The following GOLGA2 variants were observed in gnomAD, a reference collection of about 807,000 sequenced individuals.
GOLGA2 encodes golgin subfamily A member 2.
A neutral mutation model predicts 148.8 loss-of-function variants in GOLGA2; 49 were observed. That is an observed-to-expected ratio of 0.33 (90% CI 0.26 to 0.42). The LOEUF (loss-of-function observed/expected upper bound fraction) is 0.42. Ranked by LOEUF, GOLGA2 falls within the 10% of genes least tolerant of loss-of-function variation. The probability of loss-of-function intolerance (pLI) is 1.00; values close to 1 mark genes in which losing one functional copy is unlikely to be tolerated. For synonymous variants in GOLGA2, 501 were observed against 511.8 expected (o/e 0.98, Z 0.28); for missense variants, 1,178 against 1,304.6 (o/e 0.90, Z 1.49).
Position 128,272,852 on chromosome 9 carries a change from A to T in GOLGA2, c.221T>A (p.Leu74Gln). The change falls in exon 3 of 27, where the codon CTG becomes CAG. Residue 74 changes from leucine (L) to glutamine (Q), a missense_variant. Transcript: ENST00000611957. Reference protein sequence around the residue: ...CHSPEDIQDILKVLVSDLNRS... With the variant: ...CHSPEDIQDIQKVLVSDLNRS... ...GTTAAGGTCGGACACCAGCACCTTC[A>T]GAATGTCCTGAATCTACAGGAGGCG... is the stretch of plus-strand genomic sequence containing the variant. The T allele has an allele frequency of 2.3e-6, 3 of 1,276,698 alleles. No homozygotes were observed. Among genetic ancestry groups the T allele is most frequent in the Non-Finnish European group, 3.1e-6 (3 of 978,896 alleles). 79.1% of individuals were successfully genotyped at this position (1,276,698 alleles called of 1,614,324 possible).
chr9:128,260,411 C>T lies in GOLGA2; in HGVS notation c.1758+54G>A, dbSNP rs1019443812. On this transcript the variant is annotated intron_variant, in intron 18 of 26. Transcript: ENST00000611957. The surrounding 1 kb of genome is among the most constrained non-coding windows in gnomAD (Gnocchi z 4.8). ...CTGCCCCACTTTACAGGTGGGAAAA[C>T]AAAGGTCTGGAGGGCTAGGGAGGAG... 5.5e-6 allele frequency: 8 copies of T among 1,456,346 alleles called. No homozygotes were observed. In the African/African-American group the frequency reaches 8.3e-5, roughly 15 times the overall value. 90.2% of individuals were successfully genotyped at this position (1,456,346 alleles called of 1,614,324 possible). A position where few individuals can be genotyped will look rare whatever the true frequency, so the allele number is the denominator to read the frequency against.
In GOLGA2 at chr9:128,271,497, G is replaced by A. The variant is rs898757936; in HGVS notation, c.288+1288C>T. On this transcript the variant is annotated intron_variant, in intron 3 of 26. Transcript: ENST00000611957. The surrounding 1 kb of genome is among the most constrained non-coding windows in gnomAD (Gnocchi z 4.4). ...TGCCAAATCACAGCCAGAGGAGGTT[G>A]TCTCCCAGCCCTGTGTACCTCCATG... is the stretch of plus-strand genomic sequence containing the variant. 2.0e-5 allele frequency among the ~76,000 whole-genome samples: 3 copies of A among 152,166 alleles called. No individual in the cohort carries two copies. The highest frequency in any genetic ancestry group is 7.2e-5 in the African/African-American group (3 of 41,432).
Position 128,263,026 on chromosome 9 carries a change from CA to C in GOLGA2, c.992+7del. On this transcript the variant is annotated splice_region_variant and intron_variant, in intron 13 of 26. Transcript: ENST00000611957. The stretch of plus-strand genomic sequence containing the variant: ...CCAGACCTCCCATCCCACCATCCCC[CA>C]TCCTACGTGTTCTTGTATAACTCCA... 6.3e-7 allele frequency: 1 copy of C among 1,596,134 alleles called. No individual in the cohort carries two copies. The highest frequency in any genetic ancestry group is 8.6e-7 in the Non-Finnish European group (1 of 1,163,696).
chr9:128,260,386 C>G lies in GOLGA2; in HGVS notation c.1758+79G>C, dbSNP rs1003526431. 7.3e-6 allele frequency: 9 copies of G among 1,236,156 alleles called. No individual in the cohort carries two copies. Among genetic ancestry groups the G allele is most frequent in the Non-Finnish European group, 1.1e-5 (9 of 854,300 alleles). The allele number at this position is 1,236,156 out of a possible 1,614,324, so 76.6% of individuals were successfully genotyped here. On this transcript the variant is annotated intron_variant, in intron 18 of 26. Coordinates refer to ENST00000611957, the MANE Select transcript of GOLGA2 (RefSeq NM_001366244.2). The surrounding 1 kb of genome is among the most constrained non-coding windows in gnomAD (Gnocchi z 4.8). ...AGTACCATTTCAAGTGAGGGCTACA[C>G]TGCCCCACTTTACAGGTGGGAAAAC...
chr9:128,275,516 C>CG (rs1831271886), intron 1 of GOLGA2: 2 of 1,300,964 alleles, frequency 1.5e-6, no homozygotes, highest in Non-Finnish European at 2.0e-6. Flanking sequence ...GAGTCTGGAG[C>CG]GGGGGGCCCC....
At chr9:128,267,062 G>A in intron 8 of GOLGA2, 132 bp downstream of exon 8, 2 of 736,066 alleles carry the variant, frequency 2.7e-6, no homozygotes, top group Non-Finnish European at 5.0e-6. Context: ...CCCTCCAGCT[G>A]AGGCCTGGGC....
Position 128,257,749 on chromosome 9 carries a change from G to A in GOLGA2, c.2611+41C>T, listed in dbSNP as rs758642580. The A allele has an allele frequency of 3.3e-5, 53 of 1,607,158 alleles. No individual in the cohort carries two copies. The Admixed American group carries it at 4.7e-4, about 14-fold the overall frequency. ...CTCAGATGCTGGGTTCCCTCCGACC[G>A]CTGTGCAGCTCCTCCTGCCGTGCCC... On this transcript the variant is annotated intron_variant, in intron 24 of 26. Transcript: ENST00000611957. The surrounding 1 kb of genome is among the most constrained non-coding windows in gnomAD (Gnocchi z 8.0).
rs541337975 is a variant in GOLGA2 at position 128,265,486 on chromosome 9, T to C, written c.933+99A>G. ...CAGTGATAAATGGCCCATGCTGCCT[T>C]CTAGGCAGGACAGTCAACCCTGCAG... On this transcript the variant is annotated intron_variant, in intron 12 of 26. Coordinates refer to ENST00000611957, the MANE Select transcript of GOLGA2 (RefSeq NM_001366244.2). The C allele has an allele frequency of 1.0e-4, 97 of 929,930 alleles. No homozygotes were observed. The African/African-American group carries it at 1.5e-3, about 15-fold the overall frequency. The allele number at this position is 929,930 out of a possible 1,614,324, so 57.6% of individuals were successfully genotyped here.
At position 128,261,982 on chromosome 9, in the gene GOLGA2, T is replaced by C. The variant is rs965680602; in HGVS notation, c.1135-225A>G. 8 of 524,268 alleles carry C rather than the reference T, an allele frequency of 1.5e-5. No homozygotes were observed. The highest frequency in any genetic ancestry group is 6.6e-5 in the Admixed American group (2 of 30,118). The allele number at this position is 524,268 out of a possible 1,614,324, so 32.5% of individuals were successfully genotyped here. The stretch of plus-strand genomic sequence containing the variant: ...ACTTTGGGAGGCTGAGGTGGGTGGA[T>C]TGCTTGAGCTCAGGAGTTCAAGACC... On this transcript the variant is annotated intron_variant, in intron 14 of 26. Transcript: ENST00000611957. This position sits in a 1 kb window ranked among gnomAD's most constrained non-coding sequence, Gnocchi z 5.7.
In GOLGA2 at chr9:128,264,266, C is replaced by T. The variant is rs1830461578; in HGVS notation, c.934-1174G>A. On this transcript the variant is annotated intron_variant, in intron 12 of 26. Coordinates refer to ENST00000611957, the MANE Select transcript of GOLGA2 (RefSeq NM_001366244.2). Reference sequence around the variant, plus strand: ...ATGTATTTATTTGAGATGGAGTCTCCATCTGTCACCCAGGCTGGAGTGCAG... The same window carrying T: ...ATGTATTTATTTGAGATGGAGTCTCTATCTGTCACCCAGGCTGGAGTGCAG... Among the ~76,000 whole-genome samples, 4 of 149,934 alleles carry T rather than the reference C, an allele frequency of 2.7e-5. No individual in the cohort carries two copies. The South Asian group carries it at 6.3e-4, about 24-fold the overall frequency.
chr9:128,275,576 G>C (rs1343172977), intron 1 of GOLGA2: 1 of 1,097,206 alleles, frequency 9.1e-7, no homozygotes, highest in Non-Finnish European at 1.2e-6. Context: ...TGAATTGCTG[G>C]GGTCCTAGGT....
chr9:128,274,556 G>C (rs1056251830), intron 1 of GOLGA2, among the ~76,000 whole-genome samples: 1 of 152,146 alleles, frequency 6.6e-6, no homozygotes, highest in Non-Finnish European at 1.5e-5. Context: ...AAGTCGGCAG[G>C]AACTGTACAC....
rs1831043820 is a variant in GOLGA2, at chr9:128,272,831, A to G, written c.242T>C (p.Leu81Pro). 1 of 1,282,730 alleles carries G rather than the reference A, an allele frequency of 7.8e-7. No homozygotes were observed. Among genetic ancestry groups the G allele is most frequent in the Admixed American group, 2.3e-5 (1 of 43,284 alleles). The allele number at this position is 1,282,730 out of a possible 1,614,324, so 79.5% of individuals were successfully genotyped here. The change falls in exon 3 of 27, where the codon CTT becomes CCT. Residue 81 changes from leucine (L) to proline (P), a missense_variant. Leu to Pro is a moderately conservative substitution (Grantham distance 98). Around this residue, in one of 5 missense-constraint regions of GOLGA2, gnomAD observed 158 missense variants for 156.6 expected, o/e 1.01. Transcript: ENST00000611957. The stretch of plus-strand genomic sequence containing the variant: ...GAGCGCTACCCCATTGGAACGGTTA[A>G]GGTCGGACACCAGCACCTTCAGAAT... ...QDILKVLVSD[L>P]NRSNGVALPP...
At position 128,262,996 on chromosome 9, in the gene GOLGA2, G is replaced by C. The variant is rs554074522; in HGVS notation, c.992+38C>G. On this transcript the variant is annotated intron_variant, in intron 13 of 26. Transcript: ENST00000611957. ...CTCCCAGCACACCACCCATGCTGAGGGCCCCCAGACCTCCCATCCCACCAT... is the reference window on the plus strand; with the variant it reads ...CTCCCAGCACACCACCCATGCTGAGCGCCCCCAGACCTCCCATCCCACCAT... 9.8e-6 allele frequency: 14 copies of C among 1,426,092 alleles called. No homozygotes were observed. In the East Asian group the frequency reaches 2.5e-4, roughly 25 times the overall value. The allele number at this position is 1,426,092 out of a possible 1,614,324, so 88.3% of individuals were successfully genotyped here.
chr9:128,273,865 G>A lies in GOLGA2; in HGVS notation c.192C>T (p.Cys64=). ...CAAGACTCACATCCTCAGGTGAGTG[G>A]CAACCACCAGAAGTGGTTGTCTCAG... The part of the protein sequence containing the change: ...SNPETTTSGG[C]HSPEDIQDIL... Residue 64 remains cysteine (C), a synonymous_variant, in exon 2 of 27, where the codon TGC becomes TGT. Transcript: ENST00000611957. 1 of 1,613,962 alleles carries A rather than the reference G, an allele frequency of 6.2e-7. No homozygotes were observed. Among genetic ancestry groups the A allele is most frequent in the East Asian group, 2.2e-5 (1 of 44,882 alleles).
At position 128,258,368 on chromosome 9, in the gene GOLGA2, G is replaced by T; in HGVS notation, c.2289+87C>A. 7.6e-7 allele frequency: 1 copy of T among 1,318,920 alleles called. No homozygotes were observed. Among genetic ancestry groups the T allele is most frequent in the Non-Finnish European group, 1.1e-6 (1 of 920,086 alleles). The allele number at this position is 1,318,920 out of a possible 1,614,324, so 81.7% of individuals were successfully genotyped here. A position where few individuals can be genotyped will look rare whatever the true frequency, so the allele number is the denominator to read the frequency against. ...AAGGGGTGAGGGTCCGAAGAAATCA[G>T]AAGGCCGGGAAACCAAGAGCAGAAG... On this transcript the variant is annotated intron_variant, in intron 22 of 26. Coordinates refer to ENST00000611957, the MANE Select transcript of GOLGA2 (RefSeq NM_001366244.2). The surrounding 1 kb of genome is among the most constrained non-coding windows in gnomAD (Gnocchi z 6.6).
chr9:128,274,431 G>T (rs1432368378), intron 1 of GOLGA2, among the ~76,000 whole-genome samples: 1 of 152,102 alleles, frequency 6.6e-6, no homozygotes, highest in Non-Finnish European at 1.5e-5. Context: ...CAGCTACCTG[G>T]GAGGCTAAGG....
Position 128,265,896 on chromosome 9 carries a change from C to G in GOLGA2, c.733-15G>C. 6.2e-7 allele frequency: 1 copy of G among 1,608,808 alleles called. No homozygotes were observed. The highest frequency in any genetic ancestry group is 8.5e-7 in the Non-Finnish European group (1 of 1,175,232). On this transcript the variant is annotated splice_polypyrimidine_tract_variant and intron_variant, in intron 10 of 26. Coordinates refer to ENST00000611957, the MANE Select transcript of GOLGA2 (RefSeq NM_001366244.2). ...TGAATGTGAACCTTTGGGAGGAAAC[C>G]CAAGCAAGTGCTGAAAAAGAAGGAA...
intron 12 of GOLGA2, 51 bp downstream of exon 12, chr9:128,265,534 T>G (rs983251664): frequency 7.6e-7 from 1 of 1,317,252 alleles, no homozygotes; most frequent in African/African-American, 1.4e-5. Context: ...GGCTCACTCC[T>G]CCATCTGGGA....
Sources: allele counts gnomAD v4.1 joint callset (sites outside exome capture counted in the v4.1 genomes callset), GRCh38; gene constraint gnomAD v4.1.1; regional missense constraint gnomAD v4.1.1; non-coding constraint Gnocchi (gnomAD v3.1); transcripts MANE v1.5; gene names NCBI Gene and HGNC (gene_info 2026-07-23, HGNC 2026-07-21).